Variants in PYROXD1 observed in about 807,000 individuals in gnomAD.
PYROXD1 encodes the protein pyridine nucleotide-disulphide oxidoreductase domain 1.
PYROXD1 carries 42 observed loss-of-function variants against 62.0 expected under a neutral mutation model. The ratio of observed to expected loss-of-function variants is 0.68; its 90% confidence interval spans 0.53 to 0.88. PYROXD1 has a LOEUF of 0.88. PYROXD1 is among the 40% of genes least tolerant of loss of function. PYROXD1 has a pLI of 0.00. For missense variants in PYROXD1, 493 were observed against 604.8 expected (o/e 0.82, Z 1.94); for synonymous variants, 170 against 206.4 (o/e 0.82, Z 1.51).
At chr12:21,462,953 C>T (rs984558059) in intron 10 of PYROXD1, 91 bp downstream of exon 10, 2 of 1,340,654 alleles carry the variant, frequency 1.5e-6, no homozygotes, top group East Asian at 2.5e-5. Flanking sequence ...TCTGGTTTTC[C>T]AACTTTTCTG....
At chr12:21,451,261 C>A (rs1381916603) in intron 4 of PYROXD1, among the ~76,000 whole-genome samples, 1 of 149,582 alleles carries the variant, frequency 6.7e-6, no homozygotes, top group East Asian at 2.0e-4. Flanking sequence ...ATTTATTATA[C>A]TTTAAGTTCT....
Position 21,462,868 on chromosome 12 carries a change from C to T in PYROXD1, c.1116+6C>T. ...TGAGCCCAGTCTGGCAGCAGGTAAG[C>T]TAGCATATATAATTATATGTTTTCA... On this transcript the variant is annotated splice_donor_region_variant and intron_variant, in intron 10 of 11. Transcript: ENST00000240651. The T allele has an allele frequency of 1.2e-6, 2 of 1,611,852 alleles. No individual in the cohort carries two copies. The highest frequency in any genetic ancestry group is 1.1e-5 in the South Asian group (1 of 90,838).
rs1942211406 is a variant in PYROXD1 at position 21,437,677 on chromosome 12, C to G, written c.-54C>G. Reference sequence around the variant, plus strand: ...CGCGGCTGCTTCCTCTCCTGGAGTCCAGAGTCCCGTTGCTCCGCCGCGATA... The same window carrying G: ...CGCGGCTGCTTCCTCTCCTGGAGTCGAGAGTCCCGTTGCTCCGCCGCGATA... On this transcript the variant is annotated 5_prime_UTR_variant, in exon 1 of 12. Coordinates refer to ENST00000240651, the MANE Select transcript of PYROXD1 (RefSeq NM_024854.5). The G allele has an allele frequency of 6.5e-7, 1 of 1,546,224 alleles. No individual in the cohort carries two copies. Among genetic ancestry groups the G allele is most frequent in the Non-Finnish European group, 8.8e-7 (1 of 1,140,302 alleles).
Position 21,448,741 on chromosome 12 carries a change from T to G in PYROXD1, c.286-822T>G, listed in dbSNP as rs1942438571. The stretch of plus-strand genomic sequence containing the variant: ...TTCGAACAAAGTTGAGCATCTCTCA[T>G]AGTAGCATGCATTTATGTTTAAATG... On this transcript the variant is annotated intron_variant, in intron 3 of 11. Coordinates refer to ENST00000240651, the MANE Select transcript of PYROXD1 (RefSeq NM_024854.5). 2.0e-5 allele frequency among the ~76,000 whole-genome samples: 3 copies of G among 152,214 alleles called. No homozygotes were observed. The South Asian group carries it at 6.2e-4, about 31-fold the overall frequency.
chr12:21,444,404 C>G (rs988165583), intron 2 of PYROXD1, among the ~76,000 whole-genome samples: 1 of 152,082 alleles, frequency 6.6e-6, no homozygotes, highest in Admixed American at 6.6e-5. Context: ...AGTGCTTATC[C>G]TGAGGGATTA....
At chr12:21,442,221 A>G (rs1028399903) in intron 2 of PYROXD1, among the ~76,000 whole-genome samples, 6 of 152,202 alleles carry the variant, frequency 3.9e-5, no homozygotes, top group African/African-American at 1.4e-4. Context: ...GATAGAGCTG[A>G]GGCCCAAAAC....
At position 21,467,633 on chromosome 12, in the gene PYROXD1, C is replaced by A; in HGVS notation, c.1254+15C>A. ...TTAACTATAAGGTAAGATAGTTAAG[C>A]ATATTAATGCCTTCTCTGCTTGTTA... On this transcript the variant is annotated intron_variant, in intron 11 of 11. Transcript: ENST00000240651. 2 of 1,584,960 alleles carry A rather than the reference C, an allele frequency of 1.3e-6. No individual in the cohort carries two copies. The highest frequency in any genetic ancestry group is 1.1e-5 in the South Asian group (1 of 88,504).
intron 2 of PYROXD1, 133 bp downstream of exon 2, chr12:21,440,581 G>A (rs1408874309): frequency 1.8e-6 from 1 of 548,538 alleles, no homozygotes; most frequent in African/African-American, 2.0e-5. Flanking sequence ...ACAACATGAT[G>A]TTTTGATACA....
intron 2 of PYROXD1, among the ~76,000 whole-genome samples, chr12:21,442,130 G>A (rs7136175): frequency 0.49 from 74,887 of 152,062 alleles, 18,513 homozygotes; most frequent in Middle Eastern, 0.59. Flanking sequence ...TGTGGCTTAG[G>A]GGATCCCTGT....
intron 2 of PYROXD1, among the ~76,000 whole-genome samples, chr12:21,440,728 G>A (rs1412803222): frequency 6.6e-6 from 1 of 151,974 alleles, no homozygotes; most frequent in Non-Finnish European, 1.5e-5. Flanking sequence ...TGTGAGAGTG[G>A]GCATCCTTGT....
At chr12:21,457,727 C>T (rs1942623977) in intron 7 of PYROXD1, among the ~76,000 whole-genome samples, 1 of 152,006 alleles carries the variant, frequency 6.6e-6, no homozygotes, top group Admixed American at 6.6e-5. Flanking sequence ...GTGCCACACA[C>T]CTTTAAACAA....
At position 21,468,690 on chromosome 12, in the gene PYROXD1, A is replaced by C. The variant is rs1565557639; in HGVS notation, c.1439A>C (p.Asn480Thr). The C allele has an allele frequency of 6.2e-7, 1 of 1,611,138 alleles. No individual in the cohort carries two copies. The part of the protein sequence containing the change: ...TFENLILNQM[N>T]LSSYGEDLLD... ...GAAAACCTAATCTTAAACCAAATGA[A>C]TCTTTCATCATATGGAGAAGATCTG... The change falls in exon 12 of 12, where the codon AAT becomes ACT. Residue 480 changes from asparagine (N) to threonine (T), a missense_variant. Asn to Thr is a moderately conservative substitution (Grantham distance 65). Coordinates refer to ENST00000240651, the MANE Select transcript of PYROXD1 (RefSeq NM_024854.5).
intron 4 of PYROXD1, among the ~76,000 whole-genome samples, chr12:21,450,169 A>G (rs1051940961): frequency 6.6e-6 from 1 of 151,878 alleles, no homozygotes; most frequent in African/African-American, 2.4e-5. Context: ...TGCCCAGCCT[A>G]TTCCTGCCAA....
intron 10 of PYROXD1, among the ~76,000 whole-genome samples, chr12:21,465,501 A>G (rs1591958036): frequency 6.7e-6 from 1 of 150,188 alleles, no homozygotes; most frequent in Non-Finnish European, 1.5e-5. Flanking sequence ...TCCTTCGCCG[A>G]CTTTTTGATG....
chr12:21,467,665 T>C (rs373641339), intron 11 of PYROXD1, 47 bp downstream of exon 11: 5 of 1,367,258 alleles, frequency 3.7e-6, no homozygotes, highest in Non-Finnish European at 5.1e-6. Context: ...GTTAGTCTTA[T>C]GACTATGATA....
At chr12:21,441,685 G>C (rs527655309) in intron 2 of PYROXD1, among the ~76,000 whole-genome samples, 73 of 152,042 alleles carry the variant, frequency 4.8e-4, no homozygotes, top group African/African-American at 1.6e-3. Context: ...TGATTTAATT[G>C]AATTGTTTGT....
At chr12:21,451,401 G>A (rs1267620016) in intron 4 of PYROXD1, among the ~76,000 whole-genome samples, 1 of 151,364 alleles carries the variant, frequency 6.6e-6, no homozygotes, top group African/African-American at 2.4e-5. Flanking sequence ...TTTTTTTTCT[G>A]GGGGGTGGAG....
intron 1 of PYROXD1, 137 bp downstream of exon 1, chr12:21,437,951 C>A: frequency 1.3e-6 from 1 of 779,790 alleles, no homozygotes; most frequent in Non-Finnish European, 2.0e-6. Context: ...CTTATTGCTC[C>A]CAGATTTTAG....
At chr12:21,439,614 A>AT (rs1591933465) in intron 1 of PYROXD1, among the ~76,000 whole-genome samples, 2 of 152,110 alleles carry the variant, frequency 1.3e-5, no homozygotes, top group East Asian at 3.9e-4. Context: ...TTAAAAAAAA[A>AT]ATAAATAATC....
Sources: allele counts gnomAD v4.1 joint callset (sites outside exome capture counted in the v4.1 genomes callset), GRCh38; gene constraint gnomAD v4.1.1; transcripts MANE v1.5; gene names NCBI Gene and HGNC (gene_info 2026-07-23, HGNC 2026-07-21).